The following THRAP3 variants were observed in gnomAD, a reference collection of about 807,000 sequenced individuals.
THRAP3 encodes the protein thyroid hormone receptor-associated protein 3.
THRAP3 carries 16 observed loss-of-function variants against 101.0 expected under a neutral mutation model. That is an observed-to-expected ratio of 0.16 (90% CI 0.11 to 0.24). THRAP3 has a LOEUF of 0.24. Among genes scored for constraint, THRAP3 ranks in the 10% least tolerant of loss-of-function variants. The probability of loss-of-function intolerance (pLI) is 1.00; values close to 1 mark genes in which losing one functional copy is unlikely to be tolerated. For synonymous variants in THRAP3, 407 were observed against 422.6 expected (o/e 0.96, Z 0.45); for missense variants, 989 against 1,202.7 (o/e 0.82, Z 2.63).
chr1:36,251,610 A>T (rs1477232040), intron 1 of THRAP3, among the ~76,000 whole-genome samples: 1 of 152,198 alleles, frequency 6.6e-6, no homozygotes, highest in African/African-American at 2.4e-5. Context: ...TTATGTTCCG[A>T]GTTTGCTATA....
chr1:36,269,066 G>A lies in THRAP3; in HGVS notation c.-32+9582G>A, dbSNP rs140254480. ...TCTGGAGAAAACAATACACAGAATT[G>A]GGTATTTTGTCTTGGCAGTTACCTT... On this transcript the variant is annotated intron_variant, in intron 2 of 11. Coordinates refer to ENST00000354618, the MANE Select transcript of THRAP3 (RefSeq NM_005119.4). Among the ~76,000 whole-genome samples the A allele has an allele frequency of 5.0e-3, 673 of 133,736 alleles. 6 individuals carry two copies. The highest frequency in any genetic ancestry group is 0.017 in the African/African-American group (633 of 38,280). The allele number at this position is 133,736 out of a possible 152,430, so 87.7% of individuals were successfully genotyped here.
chr1:36,238,732 G>A (rs1645120280), intron 1 of THRAP3, among the ~76,000 whole-genome samples: 1 of 152,072 alleles, frequency 6.6e-6, no homozygotes, highest in South Asian at 2.1e-4. Context: ...TGGAGACAAG[G>A]TCTTATTTCA....
At chr1:36,281,904 C>A (rs772127244) in intron 2 of THRAP3, among the ~76,000 whole-genome samples, 1 of 151,990 alleles carries the variant, frequency 6.6e-6, no homozygotes, top group Non-Finnish European at 1.5e-5. Context: ...AACCCTGTCT[C>A]TACTAAAAAT....
At chr1:36,238,765 G>C (rs1288292829) in intron 1 of THRAP3, among the ~76,000 whole-genome samples, 1 of 151,664 alleles carries the variant, frequency 6.6e-6, no homozygotes, top group East Asian at 2.0e-4. Flanking sequence ...GAGTGCAGTG[G>C]TGCAGTCATA....
chr1:36,217,479 G>A, the THRAP3 span, among the ~76,000 whole-genome samples: 22 of 152,080 alleles, frequency 1.4e-4, no homozygotes, highest in African/African-American at 5.1e-4. Context: ...TTGGTAGAAA[G>A]GTTGGAAGAG....
At chr1:36,241,828 C>G (rs1645165026) in intron 1 of THRAP3, 1 of 152,288 alleles carries the variant, frequency 6.6e-6, no homozygotes, top group African/African-American at 2.4e-5. Context: ...ATCCACCCAC[C>G]TCGGCCTCCC....
At chr1:36,234,807 CTTTTTTTTTTTTTTTT>C (rs35278020) in intron 1 of THRAP3, among the ~76,000 whole-genome samples, 1 of 72,436 alleles carries the variant, frequency 1.4e-5, no homozygotes, top group Admixed American at 1.9e-4. Flanking sequence ...CTGTTTCAGT[CTTTTTTTTTTTTTTTT>C]TTTTTTTTTG....
At chr1:36,219,819 C>A (rs1380835335), upstream of THRAP3, among the ~76,000 whole-genome samples, 1 of 152,138 alleles carries the variant, frequency 6.6e-6, no homozygotes, top group African/African-American at 2.4e-5. Flanking sequence ...GAAGTCAATG[C>A]CTGGCTTCAA....
At position 36,287,722 on chromosome 1, in the gene THRAP3, G is replaced by C. The variant is rs1418798913; in HGVS notation, c.1040+452G>C. 3.0e-6 allele frequency: 3 copies of C among 985,356 alleles called. No homozygotes were observed. In the African/African-American group the frequency reaches 5.2e-5, roughly 17 times the overall value. 61.0% of individuals were successfully genotyped at this position (985,356 alleles called of 1,614,324 possible). A position where few individuals can be genotyped will look rare whatever the true frequency, so the allele number is the denominator to read the frequency against. On this transcript the variant is annotated intron_variant, in intron 4 of 11. Coordinates refer to ENST00000354618, the MANE Select transcript of THRAP3 (RefSeq NM_005119.4). ...ACCCTCAATACCCTCCAGTTGAGGA[G>C]ACTGGGCAGAATGGGAAAGGCCAAG...
chr1:36,287,620 A>T, intron 4 of THRAP3: 1 of 985,416 alleles, frequency 1.0e-6, no homozygotes, highest in Non-Finnish European at 1.2e-6. Context: ...ATGAATGGCC[A>T]TTGGAGCTCT....
chr1:36,291,322 G>A, intron 5 of THRAP3, 52 bp from the exon 6 acceptor site: 2 of 1,547,522 alleles, frequency 1.3e-6, no homozygotes, highest in Non-Finnish European at 1.8e-6. Flanking sequence ...TGGTTTTAAT[G>A]TTCTTCCTGT....
chr1:36,231,236 A>G (rs1364549261), intron 1 of THRAP3, among the ~76,000 whole-genome samples: 1 of 151,822 alleles, frequency 6.6e-6, no homozygotes, highest in East Asian at 1.9e-4. Flanking sequence ...TGAAAGATGG[A>G]GTTGAAGCAA....
At chr1:36,293,640 C>CTCTGTGTGTGTGTGTGTG (rs1553125101) in intron 7 of THRAP3, among the ~76,000 whole-genome samples, 1 of 133,314 alleles carries the variant, frequency 7.5e-6, no homozygotes, top group African/African-American at 2.8e-5. Flanking sequence ...GAACCTGGGA[C>CTCTGTGTGTGTGTGTGTG]TGTGTGTGTG....
intron 1 of THRAP3, among the ~76,000 whole-genome samples, chr1:36,233,425 G>T (rs565288845): frequency 6.6e-6 from 1 of 151,684 alleles, no homozygotes; most frequent in East Asian, 2.0e-4. Flanking sequence ...AGAATGGCAT[G>T]AACCTGGGAG....
upstream of THRAP3, among the ~76,000 whole-genome samples, chr1:36,219,461 G>A (rs1262006818): frequency 6.6e-6 from 1 of 152,110 alleles, no homozygotes; most frequent in Non-Finnish European, 1.5e-5. Context: ...ATCTCACTCT[G>A]TTGCCTAGAC....
chr1:36,303,130 T>A (rs1458250240), intron 11 of THRAP3, among the ~76,000 whole-genome samples: 2 of 150,404 alleles, frequency 1.3e-5, no homozygotes, highest in Admixed American at 1.3e-4. Flanking sequence ...TTTTTTTTTT[T>A]TTTTTGTATT....
At chr1:36,225,564 G>GT (rs964198146) in intron 1 of THRAP3, 112 of 149,020 alleles carry the variant, frequency 7.5e-4, no homozygotes, top group Admixed American at 3.6e-3. Flanking sequence ...TCATTTATAG[G>GT]TTTTTTTTTT....
intron 1 of THRAP3, among the ~76,000 whole-genome samples, chr1:36,226,901 A>G (rs1387699039): frequency 6.6e-6 from 1 of 152,164 alleles, no homozygotes; most frequent in East Asian, 1.9e-4. Flanking sequence ...GGGGAACACA[A>G]AAGGTAAGCA....
At chr1:36,243,965 C>T (rs555913550) in intron 1 of THRAP3, among the ~76,000 whole-genome samples, 3 of 126,560 alleles carry the variant, frequency 2.4e-5, no homozygotes, top group Non-Finnish European at 5.1e-5. Flanking sequence ...GGCTGGCGGG[C>T]GGGGGGCTGA....
Sources: gnomAD v4.1 joint callset for allele counts (sites outside exome capture counted in the v4.1 genomes callset) on GRCh38, gnomAD v4.1.1 for gene constraint, MANE v1.5 for transcripts, NCBI Gene and HGNC (gene_info 2026-07-23, HGNC 2026-07-21) for gene names.